The following TRANK1 variants were observed in gnomAD, a reference collection of about 807,000 sequenced individuals.
TRANK1 encodes tetratricopeptide repeat and ankyrin repeat containing 1.
Under a neutral mutation model 266.0 loss-of-function variants are expected in TRANK1, and 198 were observed. The observed-to-expected ratio is 0.74, with a 90% CI of 0.66 to 0.84. TRANK1 has a LOEUF of 0.84. Ranked by LOEUF, TRANK1 falls within the 40% of genes least tolerant of loss-of-function variation. The pLI is 0.00. For missense variants in TRANK1, 3,326 were observed against 3,634.6 expected (o/e 0.92, Z 2.18); for synonymous variants, 1,396 against 1,384.1 (o/e 1.01, Z -0.19).
At position 36,903,140 on chromosome 3, in the gene TRANK1, AC is replaced by A. The variant is rs1171711504; in HGVS notation, c.282+8del. 1.3e-6 allele frequency: 2 copies of A among 1,536,014 alleles called. No homozygotes were observed. Among genetic ancestry groups the A allele is most frequent in the Non-Finnish European group, 1.7e-6 (2 of 1,146,322 alleles). ...CATCTCCCCACACCTTCACCCTCCC[AC>A]CCCATACCTTCACGTAGGTTGGATC... On this transcript the variant is annotated splice_region_variant and intron_variant, in intron 3 of 23. Transcript: ENST00000645898.
chr3:36,838,288 T>C (rs2078796659), intron 20 of TRANK1, 84 bp downstream of exon 20: 1 of 1,546,876 alleles, frequency 6.5e-7, no homozygotes, highest in Non-Finnish European at 8.7e-7. Context: ...CTCTTCCTGC[T>C]ATGAGTAGAG....
chr3:36,889,099 C>G (rs2079649641), intron 8 of TRANK1, among the ~76,000 whole-genome samples: 1 of 152,186 alleles, frequency 6.6e-6, no homozygotes, highest in Non-Finnish European at 1.5e-5. Context: ...ACAGCCCAGC[C>G]TGGTTCCTAT....
chr3:36,901,403 T>C (rs1272119247), intron 3 of TRANK1, among the ~76,000 whole-genome samples: 1 of 152,138 alleles, frequency 6.6e-6, no homozygotes, highest in Non-Finnish European at 1.5e-5. Flanking sequence ...CGTTCCCACA[T>C]ATATACACCT....
intron 1 of TRANK1, among the ~76,000 whole-genome samples, chr3:36,920,976 C>T (rs1249168993): frequency 6.6e-6 from 1 of 152,204 alleles, no homozygotes; most frequent in Admixed American, 6.5e-5. Context: ...AGTTTAACTT[C>T]CTCGTAGTTT....
chr3:36,906,180 A>G (rs964708190), intron 2 of TRANK1, among the ~76,000 whole-genome samples: 1 of 152,242 alleles, frequency 6.6e-6, no homozygotes, highest in Non-Finnish European at 1.5e-5. Context: ...AACTGCAGAA[A>G]CTACAGACAC....
chr3:36,845,771 T>G (rs1266627017), intron 17 of TRANK1, among the ~76,000 whole-genome samples: 1 of 152,296 alleles, frequency 6.6e-6, no homozygotes, highest in African/African-American at 2.4e-5. Context: ...CCCTCATTGG[T>G]GGACACTTAG....
chr3:36,927,133 G>A (rs781406313), intron 1 of TRANK1, among the ~76,000 whole-genome samples: 1 of 152,124 alleles, frequency 6.6e-6, no homozygotes, highest in Non-Finnish European at 1.5e-5. Flanking sequence ...GTCCCACAGC[G>A]ACTCTGCCTA....
intron 8 of TRANK1, among the ~76,000 whole-genome samples, chr3:36,879,759 T>TAC (rs2079463976): frequency 9.9e-6 from 1 of 101,518 alleles, no homozygotes; most frequent in African/African-American, 4.8e-5. Flanking sequence ...TAAATATATA[T>TAC]AAATATATAT....
intron 3 of TRANK1, among the ~76,000 whole-genome samples, chr3:36,901,897 G>T (rs1317905664): frequency 6.6e-6 from 1 of 152,130 alleles, no homozygotes; most frequent in Admixed American, 6.5e-5. Flanking sequence ...CGGGATTTGG[G>T]CAAAACCCAA....
chr3:36,907,459 ATTTT>A (rs1212991729), intron 2 of TRANK1, among the ~76,000 whole-genome samples: 6 of 104,338 alleles, frequency 5.8e-5, no homozygotes, highest in African/African-American at 1.9e-4. Flanking sequence ...AAATTTATTG[ATTTT>A]TTTTTTTTTT....
intron 21 of TRANK1, chr3:36,834,450 G>T: frequency 3.9e-6 from 1 of 256,934 alleles, no homozygotes; most frequent in Non-Finnish European, 7.3e-6. Flanking sequence ...GATTAATGAG[G>T]CTCTGAAGGA....
chr3:36,909,018 G>C (rs142157807), intron 1 of TRANK1, among the ~76,000 whole-genome samples: 1 of 152,292 alleles, frequency 6.6e-6, no homozygotes, highest in African/African-American at 2.4e-5. Flanking sequence ...GATGGAACAG[G>C]GAGGGCAGGT....
chr3:36,834,805 A>C lies in TRANK1; in HGVS notation c.5620T>G (p.Cys1874Gly), dbSNP rs1403099139. The C allele has an allele frequency of 6.8e-6, 11 of 1,613,800 alleles. No individual in the cohort carries two copies. The highest frequency in any genetic ancestry group is 9.3e-6 in the Non-Finnish European group (11 of 1,179,862). The change falls in exon 21 of 24, where the codon TGC becomes GGC. Residue 1874 changes from cysteine (C) to glycine (G), a missense_variant. By Grantham distance (159) the Cys-to-Gly change is radical. Coordinates refer to ENST00000645898, the MANE Select transcript of TRANK1 (RefSeq NM_001329998.2). ...QEFDLALKMYCQEELFEEAAI... is the reference protein window; with the variant it reads ...QEFDLALKMYGQEELFEEAAI... ...GCTTCTTCAAAAAGCTCCTCTTGGC[A>C]GTACATTTTGAGTGCTAGATCAAAT...
chr3:36,923,161 C>A (rs1190467441), intron 1 of TRANK1, among the ~76,000 whole-genome samples: 1 of 152,166 alleles, frequency 6.6e-6, no homozygotes, highest in Admixed American at 6.5e-5. Context: ...GCAGTCAGCT[C>A]CTCTTCTGCT....
At chr3:36,936,699 C>T (rs570311557) in intron 1 of TRANK1, among the ~76,000 whole-genome samples, 24 of 152,176 alleles carry the variant, frequency 1.6e-4, no homozygotes, top group Non-Finnish European at 2.8e-4. Flanking sequence ...CTGAGAGCCT[C>T]GCCCCACATT....
At chr3:36,936,843 T>G (rs2080431847) in intron 1 of TRANK1, among the ~76,000 whole-genome samples, 1 of 152,240 alleles carries the variant, frequency 6.6e-6, no homozygotes. Flanking sequence ...GGCTCACGCC[T>G]GTAATCCCAG....
intron 1 of TRANK1, among the ~76,000 whole-genome samples, chr3:36,913,030 T>TTGTGTGTGTGTGTGTGTGTG (rs10633466): frequency 8.3e-4 from 120 of 144,170 alleles, no homozygotes; most frequent in African/African-American, 2.7e-3. Flanking sequence ...TATGTCTCTT[T>TTGTGTGTGTGTGTGTGTGTG]TGTGTGTGTG....
chr3:36,843,055 C>T (rs1169662820), intron 17 of TRANK1, among the ~76,000 whole-genome samples: 2 of 152,190 alleles, frequency 1.3e-5, no homozygotes, highest in African/African-American at 4.8e-5. Flanking sequence ...TCAGAAGAAA[C>T]CAACCCTGCC....
At chr3:36,916,083 A>G (rs1300636437) in intron 1 of TRANK1, among the ~76,000 whole-genome samples, 4 of 152,258 alleles carry the variant, frequency 2.6e-5, no homozygotes, top group African/African-American at 4.8e-5. Context: ...GTTCAATTTT[A>G]TACTATACAA....
Sources: gnomAD v4.1 joint callset for allele counts (sites outside exome capture counted in the v4.1 genomes callset) on GRCh38, gnomAD v4.1.1 for gene constraint, MANE v1.5 for transcripts, NCBI Gene and HGNC (gene_info 2026-07-23, HGNC 2026-07-21) for gene names.